The following TBC1D8B variants were observed in gnomAD, a reference collection of about 807,000 sequenced individuals.
TBC1D8B encodes the protein TBC1 domain family member 8B, also known as RP11-321G1.1.
Under a neutral mutation model 82.9 loss-of-function variants are expected in TBC1D8B, and 75 were observed. That is an observed-to-expected ratio of 0.90 (90% CI 0.75 to 1.10). The LOEUF is 1.10. TBC1D8B is among the 50% of genes least tolerant of loss of function. The pLI is 0.00. For synonymous variants in TBC1D8B, 276 were observed against 276.8 expected, an observed-to-expected ratio of 1.00 and a Z score of 0.03; for missense variants, 794 against 796.9, an observed-to-expected ratio of 1.00 and a Z score of 0.04.
chrX:106,818,820 CA>C (rs1276216606), intron 2 of TBC1D8B, 47 bp downstream of exon 2: 3 of 967,372 alleles, frequency 3.1e-6, no homozygotes, highest in African/African-American at 1.9e-5. Flanking sequence ...AAGGGTACTA[CA>C]AAGCTGAGTA....
At chrX:106,804,540 A>G (rs1232170606) in intron 1 of TBC1D8B, among the ~76,000 whole-genome samples, 2 of 111,729 alleles carry the variant, frequency 1.8e-5, no homozygotes, top group African/African-American at 3.3e-5. Flanking sequence ...TTTAGAATCG[A>G]TGTTCATAAT....
chrX:106,873,525 T>G, intron 20 of TBC1D8B, 45 bp from the exon 21 acceptor site: 1 of 1,124,656 alleles, frequency 8.9e-7, no homozygotes, highest in Non-Finnish European at 1.2e-6. Flanking sequence ...TTATATTTGC[T>G]AAGTCTAATA....
intron 7 of TBC1D8B, among the ~76,000 whole-genome samples, chrX:106,830,781 T>G (rs1932018373): frequency 1.3e-5 from 1 of 74,864 alleles, no homozygotes; most frequent in African/African-American, 5.4e-5. Flanking sequence ...AACATCACAC[T>G]CTGGCGACTG....
chrX:106,806,139 CAA>C (rs1039617989), intron 1 of TBC1D8B, among the ~76,000 whole-genome samples: 8 of 111,826 alleles, frequency 7.2e-5, no homozygotes, highest in African/African-American at 2.3e-4. Flanking sequence ...ATTATTAAAA[CAA>C]GAGATGAGTT....
At chrX:106,838,743 G>A (rs1315841373) in intron 7 of TBC1D8B, among the ~76,000 whole-genome samples, 1 of 111,877 alleles carries the variant, frequency 8.9e-6, no homozygotes, top group Non-Finnish European at 1.9e-5. Context: ...AATACCCTGG[G>A]AACAGAGTTT....
intron 20 of TBC1D8B, among the ~76,000 whole-genome samples, chrX:106,871,324 C>A (rs1932847189): frequency 9.0e-6 from 1 of 110,581 alleles, no homozygotes; most frequent in Admixed American, 9.6e-5. Context: ...AGAACTTTAC[C>A]AAAATGAAAA....
At chrX:106,830,745 T>C (rs1233556668) in intron 7 of TBC1D8B, among the ~76,000 whole-genome samples, 1 of 90,144 alleles carries the variant, frequency 1.1e-5, no homozygotes, top group Admixed American at 1.5e-4. Flanking sequence ...AATTGAACTA[T>C]GAGAACACAT....
chrX:106,853,699 T>C lies in TBC1D8B; in HGVS notation c.2253+49T>C, dbSNP rs749916810. On this transcript the variant is annotated intron_variant, in intron 13 of 20. Transcript: ENST00000357242. Reference sequence around the variant, plus strand: ...ATATTAGCTAGCATATTTAAAATGATTGAACTATGGTCTATCTCTAATGGT... The same window carrying C: ...ATATTAGCTAGCATATTTAAAATGACTGAACTATGGTCTATCTCTAATGGT... 1.2e-5 allele frequency: 13 copies of C among 1,103,758 alleles called. No homozygotes were observed. The South Asian group carries it at 2.5e-4, about 21-fold the overall frequency. 91.0% of individuals were successfully genotyped at this position (1,103,758 alleles called of 1,213,427 possible).
chrX:106,840,760 T>C lies in TBC1D8B; in HGVS notation c.1595T>C (p.Ile532Thr), dbSNP rs1227171300. The stretch of plus-strand genomic sequence containing the variant: ...ACCTGCAACTTGGCTACTGAAGAAA[T>C]TGAACGTGATTTACGTCGCTCTCTG... ...LGTCNLATEE[I>T]ERDLRRSLPE... Residue 532 changes from isoleucine to threonine, a missense_variant, in exon 10 of 21, where the codon ATT (isoleucine) becomes ACT (threonine). Ile to Thr is a moderately conservative substitution (Grantham distance 89). Coordinates refer to ENST00000357242, the MANE Select transcript of TBC1D8B (RefSeq NM_017752.3). The C allele has an allele frequency of 1.7e-6, 2 of 1,209,409 alleles. No individual in the cohort carries two copies. Among genetic ancestry groups the C allele is most frequent in the Non-Finnish European group, 2.2e-6 (2 of 894,932 alleles).
intron 10 of TBC1D8B, among the ~76,000 whole-genome samples, chrX:106,846,665 C>T (rs1932461187): frequency 9.0e-6 from 1 of 111,525 alleles, no homozygotes; most frequent in Non-Finnish European, 1.9e-5. Flanking sequence ...TACATCCCCT[C>T]CTAGTATGGC....
intron 11 of TBC1D8B, chrX:106,849,419 T>C: frequency 9.3e-7 from 1 of 1,069,714 alleles, no homozygotes; most frequent in Non-Finnish European, 1.2e-6. Flanking sequence ...AGACAGAAGA[T>C]GAGTTTTCCT....
At chrX:106,811,645 T>C (rs190372758) in intron 1 of TBC1D8B, among the ~76,000 whole-genome samples, 1 of 112,381 alleles carries the variant, frequency 8.9e-6, no homozygotes, top group East Asian at 2.8e-4. Flanking sequence ...TTCTAAATAA[T>C]GTTTAAAAGT....
intron 19 of TBC1D8B, 71 bp downstream of exon 19, chrX:106,869,612 G>A: frequency 1.2e-5 from 10 of 861,402 alleles, no homozygotes; most frequent in Non-Finnish European, 1.6e-5. Flanking sequence ...GCTACAAAGG[G>A]GGAAAAGGTG....
intron 7 of TBC1D8B, chrX:106,828,017 G>A (rs1000914402): frequency 9.9e-5 from 11 of 110,743 alleles, no homozygotes; most frequent in Admixed American, 1.9e-4. Flanking sequence ...TTTTTTGAAA[G>A]GATCAACAAA....
chrX:106,845,165 G>A (rs1050591018), intron 10 of TBC1D8B, among the ~76,000 whole-genome samples: 8 of 109,284 alleles, frequency 7.3e-5, no homozygotes, highest in South Asian at 3.9e-4. Context: ...GCACTATCTC[G>A]TTCTTGCTCT....
At chrX:106,858,554 G>T (rs1385949392) in intron 14 of TBC1D8B, among the ~76,000 whole-genome samples, 1 of 112,504 alleles carries the variant, frequency 8.9e-6, no homozygotes, top group Non-Finnish European at 1.9e-5. Context: ...TTATAGGCAT[G>T]AGCCACCACA....
At position 106,874,543 on chromosome X, in the gene TBC1D8B, T is replaced by C. The variant is rs1602443101; in HGVS notation, c.*578T>C. The C allele has an allele frequency of 8.9e-6, 1 of 111,933 alleles. No homozygotes were observed. The highest frequency in any genetic ancestry group is 2.8e-4 in the East Asian group (1 of 3,578). The allele number at this position is 111,933 out of a possible 1,213,427, so 9.2% of individuals were successfully genotyped here. On this transcript the variant is annotated 3_prime_UTR_variant, in exon 21 of 21. Transcript: ENST00000357242. The stretch of plus-strand genomic sequence containing the variant: ...ATTCAGTCTTCTAGTAATAAATGCT[T>C]TTTTAAGTACCTTCTACAGTCTTCC...
rs781722037 is a variant in TBC1D8B, at chrX:106,822,004, T to C, written c.388T>C (p.Cys130Arg). 1 of 1,210,536 alleles carries C rather than the reference T, an allele frequency of 8.3e-7. No individual in the cohort carries two copies. The highest frequency in any genetic ancestry group is 1.1e-6 in the Non-Finnish European group (1 of 894,715). The change falls in exon 4 of 21, where the codon TGT (cysteine) becomes CGT (arginine). Residue 130 changes from cysteine (C) to arginine (R), a missense_variant. By Grantham distance (180) the Cys-to-Arg change is radical. Transcript: ENST00000357242. ...RGLIAEEGKHCFAKEDDPEKF... is the reference protein window; with the variant it reads ...RGLIAEEGKHRFAKEDDPEKF... ...ATTAATTGCTGAAGAGGGAAAACAT[T>C]GTTTTGCAAAAGAAGATGATCCTGA...
At position 106,873,646 on chromosome X, in the gene TBC1D8B, C is replaced by A; in HGVS notation, c.3044C>A (p.Ala1015Asp). The A allele has an allele frequency of 8.3e-7, 1 of 1,210,759 alleles. No homozygotes were observed. Among genetic ancestry groups the A allele is most frequent in the Non-Finnish European group, 1.1e-6 (1 of 894,746 alleles). ...EDPEEESLYQ[A>D]IAVVTSLLLR... ...CCTGAAGAAGAATCATTATATCAAG[C>A]CATTGCTGTTGTAACCAGCCTTTTA... Residue 1015 changes from alanine (A) to aspartate (D), a missense_variant, in exon 21 of 21, where the codon GCC (alanine) becomes GAC (aspartate). Coordinates refer to ENST00000357242, the MANE Select transcript of TBC1D8B (RefSeq NM_017752.3).
Sources: allele counts gnomAD v4.1 joint callset (sites outside exome capture counted in the v4.1 genomes callset), GRCh38; gene constraint gnomAD v4.1.1; transcripts MANE v1.5; gene names NCBI Gene and HGNC (gene_info 2026-07-23, HGNC 2026-07-21).